Variants in ASTN2 observed in about 807,000 individuals in gnomAD.
The protein encoded by ASTN2 is astrotactin-2.
Under a neutral mutation model 139.8 loss-of-function variants are expected in ASTN2, and 54 were observed. The observed-to-expected ratio is 0.39, with a 90% CI of 0.31 to 0.48. ASTN2 has a LOEUF of 0.48. ASTN2 is among the 20% of genes least tolerant of loss of function. The pLI, the probability that ASTN2 is intolerant of heterozygous loss-of-function variation, is 0.95. For missense variants in ASTN2, 1,565 were observed against 1,725.1 expected (o/e 0.91, Z 1.64); for synonymous variants, 756 against 719.5 (o/e 1.05, Z -0.81).
rs190007160 is a variant in ASTN2 at position 117,265,792 on chromosome 9, A to C, written c.630+25534T>G. Among the ~76,000 whole-genome samples the C allele has an allele frequency of 2.0e-3, 273 of 134,646 alleles. 4 individuals carry two copies. The highest frequency in any genetic ancestry group is 7.0e-3 in the African/African-American group (256 of 36,344). 88.3% of individuals were successfully genotyped at this position (134,646 alleles called of 152,430 possible). A position where few individuals can be genotyped will look rare whatever the true frequency, so the allele number is the denominator to read the frequency against. ...CACAATGGTTCCTCAGAATCAGAAA[A>C]AATTGAAAGCAAAATGGTAAAAAAA... On this transcript the variant is annotated intron_variant, in intron 2 of 22. Transcript: ENST00000313400.
chr9:116,845,723 G>A (rs544698434), intron 11 of ASTN2, among the ~76,000 whole-genome samples: 1 of 152,276 alleles, frequency 6.6e-6, no homozygotes, highest in African/African-American at 2.4e-5. Context: ...AGAAAATAAT[G>A]AGTGTTGGTG....
chr9:117,324,112 A>G (rs1394256173), intron 1 of ASTN2, among the ~76,000 whole-genome samples: 4 of 152,174 alleles, frequency 2.6e-5, no homozygotes, highest in African/African-American at 4.8e-5. Context: ...ATGGAAGGTG[A>G]AAAAGGAAGC....
At chr9:117,226,613 GT>G (rs72195176) in intron 2 of ASTN2, among the ~76,000 whole-genome samples, 3,531 of 146,508 alleles carry the variant, frequency 0.024, 149 homozygotes, top group African/African-American at 0.08. Context: ...TTGTTTGTTT[GT>G]TTTTTTAACA....
chr9:117,140,838 T>C (rs1257774595), intron 4 of ASTN2, among the ~76,000 whole-genome samples: 3 of 152,144 alleles, frequency 2.0e-5, no homozygotes, highest in East Asian at 1.9e-4. Flanking sequence ...CTGAGTGACA[T>C]AGCTAGGTAG....
At chr9:117,393,498 G>A (rs1031777841) in intron 1 of ASTN2, among the ~76,000 whole-genome samples, 1 of 152,160 alleles carries the variant, frequency 6.6e-6, no homozygotes, top group Non-Finnish European at 1.5e-5. Flanking sequence ...GGAAACTGAG[G>A]AAAGCAAGGA....
chr9:116,799,357 C>T (rs1431976517), intron 13 of ASTN2, among the ~76,000 whole-genome samples: 2 of 152,152 alleles, frequency 1.3e-5, no homozygotes, highest in Non-Finnish European at 2.9e-5. Context: ...CCCAAACTGT[C>T]CTCTTATGCT....
chr9:117,225,896 A>G (rs1832698966), intron 2 of ASTN2, among the ~76,000 whole-genome samples: 1 of 152,094 alleles, frequency 6.6e-6, no homozygotes, highest in South Asian at 2.1e-4. Flanking sequence ...CTATTATTGT[A>G]ATTTTCTGAC....
chr9:116,654,720 A>G (rs1858110853), intron 16 of ASTN2, among the ~76,000 whole-genome samples: 1 of 152,226 alleles, frequency 6.6e-6, no homozygotes, highest in Non-Finnish European at 1.5e-5. Flanking sequence ...TTTATCATTT[A>G]AACGACTATC....
At chr9:116,770,962 C>T (rs2132184976) in intron 13 of ASTN2, among the ~76,000 whole-genome samples, 1 of 152,224 alleles carries the variant, frequency 6.6e-6, no homozygotes, top group African/African-American at 2.4e-5. Flanking sequence ...CTCTGGCTCC[C>T]CTTGCAAAAA....
At chr9:116,725,416 G>T (rs1361670039) in intron 16 of ASTN2, among the ~76,000 whole-genome samples, 1 of 151,920 alleles carries the variant, frequency 6.6e-6, no homozygotes, top group African/African-American at 2.4e-5. Context: ...AGAGAAGAAA[G>T]TGTCAAGAAG....
intron 1 of ASTN2, among the ~76,000 whole-genome samples, chr9:117,341,198 A>G (rs1158664361): frequency 1.3e-5 from 2 of 152,202 alleles, no homozygotes; most frequent in Non-Finnish European, 2.9e-5. Flanking sequence ...AGAAAGAAAG[A>G]AGGAAATAGT....
chr9:116,877,845 T>A (rs777478584), intron 10 of ASTN2, among the ~76,000 whole-genome samples: 1 of 152,086 alleles, frequency 6.6e-6, no homozygotes, highest in Non-Finnish European at 1.5e-5. Flanking sequence ...TCCTCTTCAC[T>A]TAAACACATT....
rs151198160 is a variant in ASTN2, at chr9:117,091,042, T to C, written c.1276+5002A>G. Among the ~76,000 whole-genome samples, 126 of 152,288 alleles carry C rather than the reference T, an allele frequency of 8.3e-4. 2 individuals are homozygous for C. The East Asian group carries it at 0.022, about 26-fold the overall frequency. ...TTCACCACCAAGGCCCTCTTGCCAC[T>C]GCTGGGCATGGCCTTCCTGGTGGCC... On this transcript the variant is annotated intron_variant, in intron 5 of 22. Transcript: ENST00000313400.
At position 117,358,665 on chromosome 9, in the gene ASTN2, T is replaced by G. The variant is rs117924806; in HGVS notation, c.442+55832A>C. On this transcript the variant is annotated intron_variant, in intron 1 of 22. Coordinates refer to ENST00000313400, the MANE Select transcript of ASTN2 (RefSeq NM_001365068.1). ...CAACAGGCAGTGCCTGAAAGTGACTTTCTCAGCATCTGCTCTCTAGTAGTC... is the reference window on the plus strand; with the variant it reads ...CAACAGGCAGTGCCTGAAAGTGACTGTCTCAGCATCTGCTCTCTAGTAGTC... Among the ~76,000 whole-genome samples the G allele has an allele frequency of 5.8e-3, 888 of 152,210 alleles. 9 individuals are homozygous for G. The highest frequency in any genetic ancestry group is 0.017 in the Middle Eastern group (5 of 294).
chr9:116,840,427 G>A (rs1406564842), intron 11 of ASTN2, among the ~76,000 whole-genome samples: 2 of 150,230 alleles, frequency 1.3e-5, no homozygotes, highest in South Asian at 2.1e-4. Context: ...CAGGCAGAGG[G>A]GCTCCTCACT....
intron 5 of ASTN2, among the ~76,000 whole-genome samples, chr9:117,046,021 TATG>T (rs1838733059): frequency 6.8e-6 from 1 of 147,810 alleles, no homozygotes; most frequent in East Asian, 2.1e-4. Context: ...TGTATGTATG[TATG>T]TAGTCTCACT....
At chr9:116,488,802 T>C (rs1019206248) in intron 19 of ASTN2, among the ~76,000 whole-genome samples, 3 of 152,210 alleles carry the variant, frequency 2.0e-5, no homozygotes, top group Non-Finnish European at 4.4e-5. Context: ...TATCTTATTT[T>C]TGCTTATCTC....
intron 13 of ASTN2, among the ~76,000 whole-genome samples, chr9:116,769,409 T>G (rs1829898376): frequency 6.6e-6 from 1 of 152,144 alleles, no homozygotes; most frequent in Middle Eastern, 3.2e-3. Flanking sequence ...GGAGACCATT[T>G]GCATAGATTT....
chr9:116,577,971 G>A (rs1853790625), intron 19 of ASTN2, among the ~76,000 whole-genome samples: 1 of 152,122 alleles, frequency 6.6e-6, no homozygotes, highest in Admixed American at 6.5e-5. Context: ...GGGGATGCAA[G>A]AAGGGGTAAG....
Sources: allele counts gnomAD v4.1 joint callset (sites outside exome capture counted in the v4.1 genomes callset), GRCh38; gene constraint gnomAD v4.1.1; transcripts MANE v1.5; gene names NCBI Gene and HGNC (gene_info 2026-07-23, HGNC 2026-07-21).